The following MEGF10 variants were observed in gnomAD, a reference collection of about 807,000 sequenced individuals.
MEGF10 encodes multiple epidermal growth factor-like domains protein 10.
A neutral mutation model predicts 147.5 loss-of-function variants in MEGF10; 86 were observed. The ratio of observed to expected loss-of-function variants is 0.58; its 90% CI spans 0.49 to 0.70. The LOEUF (loss-of-function observed/expected upper bound fraction) is 0.70. Among genes scored for constraint, MEGF10 ranks in the 30% least tolerant of loss-of-function variants. The pLI is 0.00. For synonymous variants in MEGF10, 478 were observed against 525.5 expected (o/e 0.91, Z 1.24); for missense variants, 1,329 against 1,487.3 (o/e 0.89, Z 1.75).
chr5:127,310,017 T>TCC (rs1561562161), intron 1 of MEGF10, among the ~76,000 whole-genome samples: 13 of 24,978 alleles, frequency 5.2e-4, no homozygotes, highest in Non-Finnish European at 8.4e-4. Context: ...TTCCTTTCTT[T>TCC]TTTTCTTTCT....
At chr5:127,411,437 A>T (rs1209573945) in intron 9 of MEGF10, among the ~76,000 whole-genome samples, 1 of 152,248 alleles carries the variant, frequency 6.6e-6, no homozygotes, top group Non-Finnish European at 1.5e-5. Context: ...CTTCTGAAAG[A>T]TAACTCATAG....
the MEGF10 span, among the ~76,000 whole-genome samples, chr5:127,267,043 A>G: frequency 6.6e-6 from 1 of 152,170 alleles, no homozygotes; most frequent in African/African-American, 2.4e-5. Flanking sequence ...ATTCAGTATG[A>G]TATTGGCTGT....
At chr5:127,241,367 T>C in the MEGF10 span, among the ~76,000 whole-genome samples, 1 of 152,292 alleles carries the variant, frequency 6.6e-6, no homozygotes, top group East Asian at 1.9e-4. Flanking sequence ...CATTCTCAGG[T>C]AAGCTCTCTT....
chr5:127,415,413 A>G lies in MEGF10; in HGVS notation c.1131-2225A>G, dbSNP rs56217216. On this transcript the variant is annotated intron_variant, in intron 9 of 24. Transcript: ENST00000503335. ...GCAGAGTTTTAAGAAGGAGAATGAT[A>G]TGATTTACTCTTTAGGTGATAAGGC... Among the ~76,000 whole-genome samples the G allele has an allele frequency of 9.3e-3, 1,414 of 152,286 alleles. 13 individuals carry two copies. Among genetic ancestry groups the G allele is most frequent in the Non-Finnish European group, 0.017 (1,154 of 68,008 alleles).
chr5:127,232,057 G>C, the MEGF10 span, among the ~76,000 whole-genome samples: 1 of 152,212 alleles, frequency 6.6e-6, no homozygotes, highest in African/African-American at 2.4e-5. Flanking sequence ...AAGGAAGTAA[G>C]CCCGGGAAGA....
intron 2 of MEGF10, among the ~76,000 whole-genome samples, chr5:127,338,273 T>C (rs549474391): frequency 6.6e-6 from 1 of 152,084 alleles, no homozygotes; most frequent in South Asian, 2.1e-4. Context: ...ATAGAATAAA[T>C]TGTTTGGAGA....
chr5:127,237,480 A>T, the MEGF10 span, among the ~76,000 whole-genome samples: 1 of 152,188 alleles, frequency 6.6e-6, no homozygotes, highest in South Asian at 2.1e-4. Flanking sequence ...CAACAGAGCT[A>T]GACTCTGTCT....
chr5:127,249,267 A>T, the MEGF10 span, among the ~76,000 whole-genome samples: 1 of 152,022 alleles, frequency 6.6e-6, no homozygotes, highest in Non-Finnish European at 1.5e-5. Context: ...GTGTTACAGT[A>T]TTAATTAGAA....
At chr5:127,247,394 A>G in the MEGF10 span, among the ~76,000 whole-genome samples, 22 of 40,836 alleles carry the variant, frequency 5.4e-4, no homozygotes, top group African/African-American at 2.5e-3. Flanking sequence ...AAGAAGAAGA[A>G]GAAGAAGAAG....
intron 1 of MEGF10, among the ~76,000 whole-genome samples, chr5:127,307,935 C>T (rs1195626088): frequency 1.3e-5 from 2 of 152,212 alleles, no homozygotes; most frequent in Non-Finnish European, 2.9e-5. Flanking sequence ...ATCCATGCCA[C>T]ATGCGATGAC....
At chr5:127,428,633 A>C (rs1765287118) in intron 13 of MEGF10, among the ~76,000 whole-genome samples, 1 of 152,210 alleles carries the variant, frequency 6.6e-6, no homozygotes, top group Non-Finnish European at 1.5e-5. Context: ...ATTATTAACA[A>C]ATATCTCTCT....
chr5:127,257,006 G>A, the MEGF10 span, among the ~76,000 whole-genome samples: 1 of 152,154 alleles, frequency 6.6e-6, no homozygotes, highest in African/African-American at 2.4e-5. Flanking sequence ...TAAATGATTT[G>A]CAGGGGAAAT....
chr5:127,343,540 CT>C (rs748592662), intron 4 of MEGF10, among the ~76,000 whole-genome samples: 2 of 152,050 alleles, frequency 1.3e-5, no homozygotes, highest in Non-Finnish European at 2.9e-5. Flanking sequence ...GTGACATGTC[CT>C]TTTGGTTCTT....
At chr5:127,272,157 A>G in the MEGF10 span, among the ~76,000 whole-genome samples, 1 of 152,200 alleles carries the variant, frequency 6.6e-6, no homozygotes, top group Non-Finnish European at 1.5e-5. Flanking sequence ...ATGGCTAGCC[A>G]GTTCTTATGG....
At chr5:127,229,568 G>C in the MEGF10 span, 1 of 150,008 alleles carries the variant, frequency 6.7e-6, no homozygotes, top group Non-Finnish European at 1.5e-5. Context: ...CACGCGCCGA[G>C]GAGTGAAAGA....
chr5:127,445,714 G>A (rs748467115), intron 20 of MEGF10, 21 bp downstream of exon 20: 1 of 1,577,330 alleles, frequency 6.3e-7, no homozygotes, highest in South Asian at 1.1e-5. Context: ...AGGCAGGAGA[G>A]GCATTTTGCT....
chr5:127,443,095 C>A lies in MEGF10; in HGVS notation c.2460C>A (p.Ser820Arg), dbSNP rs1316899132. Residue 820 changes from serine (S) to arginine (R), a missense_variant, in exon 19 of 25, where the codon AGC becomes AGA. Coordinates refer to ENST00000503335, the MANE Select transcript of MEGF10 (RefSeq NM_001256545.2). The stretch of plus-strand genomic sequence containing the variant: ...ACATCACTGGGACCTGTTACTGCAG[C>A]CCCGGATGGAAGGGAGCGAGATGTG... ...CDHITGTCYC[S>R]PGWKGARCDQ... 2.5e-6 allele frequency: 4 copies of A among 1,613,612 alleles called. No homozygotes were observed. Among genetic ancestry groups the A allele is most frequent in the African/African-American group, 1.3e-5 (1 of 75,026 alleles).
chr5:127,231,281 G>A, the MEGF10 span, among the ~76,000 whole-genome samples: 2 of 152,194 alleles, frequency 1.3e-5, no homozygotes, highest in South Asian at 4.1e-4. Context: ...CCTCAGCATG[G>A]CTGCTAGATC....
chr5:127,402,499 TC>T (rs1282822093), intron 7 of MEGF10, 46 bp from the exon 8 acceptor site: 1 of 1,589,222 alleles, frequency 6.3e-7, no homozygotes, highest in Admixed American at 1.7e-5. Flanking sequence ...CAGTTGTCTT[TC>T]CCTGGCTGGA....
Sources: allele counts gnomAD v4.1 joint callset (sites outside exome capture counted in the v4.1 genomes callset), GRCh38; gene constraint gnomAD v4.1.1; transcripts MANE v1.5; gene names NCBI Gene and HGNC (gene_info 2026-07-23, HGNC 2026-07-21).